Variants in TPST1 observed in about 807,000 individuals in gnomAD.
TPST1 encodes tyrosylprotein sulfotransferase 1, also known as protein-tyrosine sulfotransferase 1.
Under a neutral mutation model 34.8 loss-of-function variants are expected in TPST1, and 20 were observed. The ratio of observed to expected loss-of-function variants is 0.57; its 90% CI spans 0.40 to 0.84. The LOEUF is 0.84. TPST1 is among the 40% of genes least tolerant of loss of function. TPST1 has a pLI of 0.00. For missense variants in TPST1, 353 were observed against 455.5 expected (o/e 0.78, Z 2.05); for synonymous variants, 152 against 159.4 (o/e 0.95, Z 0.35).
At chr7:66,349,297 C>T (rs1444466319) in intron 3 of TPST1, among the ~76,000 whole-genome samples, 1 of 152,118 alleles carries the variant, frequency 6.6e-6, no homozygotes, top group South Asian at 2.1e-4. Context: ...GTTGGCTGGG[C>T]GCCGTGGCTC....
At chr7:66,302,279 C>G (rs778640820) in intron 3 of TPST1, among the ~76,000 whole-genome samples, 6 of 152,136 alleles carry the variant, frequency 3.9e-5, no homozygotes, top group Non-Finnish European at 7.4e-5. Flanking sequence ...CTTTCTATAT[C>G]ATTTAGACGA....
chr7:66,295,101 A>G (rs556371065), intron 3 of TPST1, among the ~76,000 whole-genome samples: 73 of 151,636 alleles, frequency 4.8e-4, no homozygotes, highest in Non-Finnish European at 4.1e-4. Context: ...CAGATACTCA[A>G]TTTTAGGATT....
rs189937305 is a variant in TPST1, at chr7:66,336,531, A to G, written c.1045-15974A>G. On this transcript the variant is annotated intron_variant, in intron 3 of 5. Transcript: ENST00000304842. ...TCAAATAAAAGAATTGGTGAGCTTC[A>G]GGACAGAACATATGAAATTACCCAT... 5.9e-5 allele frequency among the ~76,000 whole-genome samples: 9 copies of G among 152,336 alleles called. No homozygotes were observed. In the East Asian group the frequency reaches 1.7e-3, roughly 29 times the overall value.
At chr7:66,301,385 AC>A (rs1791312752) in intron 3 of TPST1, among the ~76,000 whole-genome samples, 1 of 152,192 alleles carries the variant, frequency 6.6e-6, no homozygotes, top group South Asian at 2.1e-4. Context: ...TCACTTTCTT[AC>A]CACTTGTGTG....
chr7:66,330,090 G>A (rs923838029), intron 3 of TPST1, among the ~76,000 whole-genome samples: 2 of 152,142 alleles, frequency 1.3e-5, no homozygotes, highest in African/African-American at 4.8e-5. Context: ...TGTACCCCCT[G>A]AATCTAAATA....
chr7:66,357,829 T>C (rs907506526), intron 5 of TPST1, among the ~76,000 whole-genome samples: 1 of 152,254 alleles, frequency 6.6e-6, no homozygotes, highest in African/African-American at 2.4e-5. Flanking sequence ...CTCATGCCTG[T>C]AATCCCAGCA....
At chr7:66,300,290 A>G (rs1791287975) in intron 3 of TPST1, among the ~76,000 whole-genome samples, 1 of 152,226 alleles carries the variant, frequency 6.6e-6, no homozygotes, top group Non-Finnish European at 1.5e-5. Context: ...ATTCCATCTC[A>G]AGAACCACTT....
intron 3 of TPST1, among the ~76,000 whole-genome samples, chr7:66,350,869 T>C (rs1160209842): frequency 6.6e-6 from 1 of 152,242 alleles, no homozygotes; most frequent in Non-Finnish European, 1.5e-5. Context: ...TAAACATCTT[T>C]GTACTTAAAT....
At chr7:66,203,586 C>T (rs953472467), upstream of TPST1, among the ~76,000 whole-genome samples, 7 of 151,560 alleles carry the variant, frequency 4.6e-5, no homozygotes, top group Non-Finnish European at 7.4e-5. Flanking sequence ...CCCGGGTTCA[C>T]GCCATTCTCC....
intron 4 of TPST1, chr7:66,352,901 C>T (rs988303390): frequency 1.0e-5 from 10 of 985,414 alleles, no homozygotes; most frequent in Non-Finnish European, 1.2e-5. Context: ...AAATGTTCAG[C>T]GACCCTCTCT....
At chr7:66,232,062 A>G (rs1412779637) in intron 1 of TPST1, among the ~76,000 whole-genome samples, 1 of 152,070 alleles carries the variant, frequency 6.6e-6, no homozygotes, top group Non-Finnish European at 1.5e-5. Context: ...GGTTGTTTCT[A>G]CTTTTTGGCT....
At chr7:66,267,923 TCTTTCCTTC>T (rs537701031) in intron 2 of TPST1, among the ~76,000 whole-genome samples, 91 of 152,060 alleles carry the variant, frequency 6.0e-4, no homozygotes, top group East Asian at 2.5e-3. Flanking sequence ...TTTCTTTCCT[TCTTTCCTTC>T]CTTTCCTTCC....
At chr7:66,277,943 T>C (rs1790851620) in intron 2 of TPST1, among the ~76,000 whole-genome samples, 1 of 151,546 alleles carries the variant, frequency 6.6e-6, no homozygotes, top group African/African-American at 2.4e-5. Flanking sequence ...CTACTAAAAA[T>C]ACAAAAATTA....
At chr7:66,268,751 A>G (rs1467556032) in intron 2 of TPST1, among the ~76,000 whole-genome samples, 1 of 151,830 alleles carries the variant, frequency 6.6e-6, no homozygotes, top group African/African-American at 2.4e-5. Context: ...CCCAGGCTGG[A>G]GTGCCTGGCT....
Position 66,355,350 on chromosome 7 carries a change from C to A in TPST1, c.1096-1475C>A, listed in dbSNP as rs185935943. Among the ~76,000 whole-genome samples, 404 of 151,834 alleles carry A rather than the reference C, an allele frequency of 2.7e-3. 2 individuals are homozygous for A. Among genetic ancestry groups the A allele is most frequent in the African/African-American group, 9.2e-3 (381 of 41,422 alleles). On this transcript the variant is annotated intron_variant, in intron 4 of 5. Transcript: ENST00000304842. Reference sequence around the variant, plus strand: ...AAAATTAGCTGGGCGTGTTGGGCACCTGTAATCCCAGCTACTTGGGAGGGT... The same window carrying A: ...AAAATTAGCTGGGCGTGTTGGGCACATGTAATCCCAGCTACTTGGGAGGGT...
intron 3 of TPST1, among the ~76,000 whole-genome samples, chr7:66,339,026 G>T (rs1281595598): frequency 7.4e-6 from 1 of 135,660 alleles, no homozygotes; most frequent in Non-Finnish European, 1.6e-5. Context: ...AAGACTAAAA[G>T]AATACAAAGA....
At chr7:66,216,140 A>C (rs2116254547) in intron 1 of TPST1, among the ~76,000 whole-genome samples, 1 of 152,266 alleles carries the variant, frequency 6.6e-6, no homozygotes, top group Middle Eastern at 3.4e-3. Flanking sequence ...TCAGATTTTT[A>C]ATATTTTCTT....
At chr7:66,203,147 C>CTG (rs962273837), upstream of TPST1, among the ~76,000 whole-genome samples, 16 of 151,162 alleles carry the variant, frequency 1.1e-4, no homozygotes, top group South Asian at 4.2e-4. Context: ...TTATCTATCT[C>CTG]TGTGTGTGTG....
intron 2 of TPST1, among the ~76,000 whole-genome samples, chr7:66,245,652 C>T (rs1310267021): frequency 6.6e-6 from 1 of 152,164 alleles, no homozygotes; most frequent in Non-Finnish European, 1.5e-5. Context: ...AGTTTGGAAA[C>T]TTAAAATTCT....
Sources: gnomAD v4.1 joint callset for allele counts (sites outside exome capture counted in the v4.1 genomes callset) on GRCh38, gnomAD v4.1.1 for gene constraint, MANE v1.5 for transcripts, NCBI Gene and HGNC (gene_info 2026-07-23, HGNC 2026-07-21) for gene names.